The following CECR2 variants were observed in gnomAD, a reference collection of about 807,000 sequenced individuals.
CECR2 encodes the protein CECR2 histone acetyl-lysine reader.
In CECR2, 30 loss-of-function variants were observed where a neutral mutation model predicts 154.5. The ratio of observed to expected loss-of-function variants is 0.19; its 90% CI spans 0.15 to 0.26. The LOEUF (loss-of-function observed/expected upper bound fraction) is 0.26. Among genes scored for constraint, CECR2 ranks in the 10% least tolerant of loss-of-function variants. The probability of loss-of-function intolerance (pLI) is 1.00; values close to 1 mark genes in which losing one functional copy is unlikely to be tolerated. For synonymous variants in CECR2, 725 were observed against 683.7 expected (o/e 1.06, Z -0.94); for missense variants, 1,743 against 1,829.3 (o/e 0.95, Z 0.86).
intron 2 of CECR2, among the ~76,000 whole-genome samples, chr22:17,492,638 G>A (rs925435275): frequency 1.3e-5 from 2 of 152,198 alleles, no homozygotes; most frequent in Non-Finnish European, 2.9e-5. Context: ...TGTTTTGTAG[G>A]ATGGAAAATG....
intron 8 of CECR2, among the ~76,000 whole-genome samples, chr22:17,515,114 A>G (rs1321826290): frequency 6.6e-6 from 1 of 152,028 alleles, no homozygotes; most frequent in Non-Finnish European, 1.5e-5. Flanking sequence ...TAAAATTGTA[A>G]TTGTTGAGAA....
At chr22:17,378,760 G>T (rs2063150876) in intron 1 of CECR2, among the ~76,000 whole-genome samples, 1 of 152,188 alleles carries the variant, frequency 6.6e-6, no homozygotes, top group African/African-American at 2.4e-5. Context: ...TGACTTTTCA[G>T]TGTTGGTCAT....
chr22:17,423,289 T>A (rs1408478429), intron 1 of CECR2, among the ~76,000 whole-genome samples: 1 of 151,860 alleles, frequency 6.6e-6, no homozygotes, highest in Non-Finnish European at 1.5e-5. Flanking sequence ...TGGACTGGAG[T>A]TGGGTGTTCC....
intron 1 of CECR2, among the ~76,000 whole-genome samples, chr22:17,397,559 G>A (rs998646204): frequency 3.5e-4 from 53 of 151,982 alleles, no homozygotes; most frequent in African/African-American, 1.2e-3. Context: ...CTGCAGTGGC[G>A]CTATCTCTGC....
intron 9 of CECR2, among the ~76,000 whole-genome samples, chr22:17,525,698 G>T (rs532009599): frequency 2.7e-4 from 41 of 152,234 alleles, no homozygotes; most frequent in Non-Finnish European, 5.3e-4. Context: ...TTCCATAATT[G>T]GCTATGTCCA....
chr22:17,404,461 CCT>C (rs2053950149), intron 1 of CECR2, among the ~76,000 whole-genome samples: 1 of 128,634 alleles, frequency 7.8e-6, no homozygotes, highest in African/African-American at 3.1e-5. Context: ...GCAAGCTCCG[CCT>C]CTCGGGTTCA....
chr22:17,396,351 C>A (rs1238779268), intron 1 of CECR2, among the ~76,000 whole-genome samples: 2 of 152,074 alleles, frequency 1.3e-5, no homozygotes, highest in Non-Finnish European at 2.9e-5. Context: ...TTGAGACCAG[C>A]CTGGCCAATG....
chr22:17,472,760 G>T (rs900093770), intron 1 of CECR2, among the ~76,000 whole-genome samples: 3 of 152,130 alleles, frequency 2.0e-5, no homozygotes, highest in Non-Finnish European at 4.4e-5. Flanking sequence ...AACAAGAAAA[G>T]GTACCTGTAA....
At chr22:17,547,038 CAA>C (rs1167599171) in intron 16 of CECR2, among the ~76,000 whole-genome samples, 5,073 of 53,508 alleles carry the variant, frequency 0.095, 83 homozygotes, top group African/African-American at 0.15. Flanking sequence ...GACTCTGCCT[CAA>C]AAAAAAAAAA....
intron 7 of CECR2, among the ~76,000 whole-genome samples, chr22:17,505,584 A>T (rs1569128435): frequency 8.0e-6 from 1 of 124,466 alleles, no homozygotes; most frequent in Non-Finnish European, 1.6e-5. Flanking sequence ...CCCAGGCTGC[A>T]GTGCAGCGGT....
chr22:17,364,790 G>A (rs2062993321), upstream of CECR2, among the ~76,000 whole-genome samples: 2 of 152,170 alleles, frequency 1.3e-5, no homozygotes, highest in Admixed American at 6.5e-5. Context: ...TCACACCACT[G>A]CACTCCAGCC....
chr22:17,439,796 G>A (rs2054557379), intron 1 of CECR2, among the ~76,000 whole-genome samples: 1 of 152,188 alleles, frequency 6.6e-6, no homozygotes, highest in African/African-American at 2.4e-5. Context: ...GAATGTCATT[G>A]CAGCGTGGTT....
intron 9 of CECR2, 116 bp downstream of exon 9, chr22:17,524,387 C>CTTTCTT: frequency 2.6e-6 from 1 of 391,192 alleles, no homozygotes. Flanking sequence ...CCGGCAATTT[C>CTTTCTT]TTTTTTTTTT....
intron 7 of CECR2, among the ~76,000 whole-genome samples, chr22:17,505,412 C>T (rs2055822066): frequency 6.6e-6 from 1 of 152,036 alleles, no homozygotes; most frequent in Admixed American, 6.6e-5. Context: ...CCTGGCTCTA[C>T]CTGATTGTGT....
intron 9 of CECR2, among the ~76,000 whole-genome samples, chr22:17,535,876 A>AG (rs2056429997): frequency 6.6e-6 from 1 of 152,234 alleles, no homozygotes; most frequent in South Asian, 2.1e-4. Flanking sequence ...GCAACCCAAC[A>AG]GGGATCGTGT....
At chr22:17,543,494 G>A (rs1476177709) in intron 16 of CECR2, among the ~76,000 whole-genome samples, 1 of 151,380 alleles carries the variant, frequency 6.6e-6, no homozygotes, top group African/African-American at 2.4e-5. Flanking sequence ...TTGGTCCGTC[G>A]ATCCCATTTC....
intron 1 of CECR2, among the ~76,000 whole-genome samples, chr22:17,403,384 C>T (rs372033909): frequency 6.6e-6 from 1 of 152,148 alleles, no homozygotes; most frequent in East Asian, 1.9e-4. Flanking sequence ...AATAGCTGCA[C>T]GTATTTGCTT....
At chr22:17,413,488 C>G (rs2054096876) in intron 1 of CECR2, among the ~76,000 whole-genome samples, 1 of 152,100 alleles carries the variant, frequency 6.6e-6, no homozygotes, top group African/African-American at 2.4e-5. Context: ...TAACATTGTT[C>G]AGACCTGGGG....
chr22:17,383,750 C>T (rs1287647240), intron 1 of CECR2, among the ~76,000 whole-genome samples: 2 of 150,226 alleles, frequency 1.3e-5, no homozygotes, highest in Non-Finnish European at 1.5e-5. Flanking sequence ...CTGCAAACTC[C>T]GCTTCCTGGG....
Sources: allele counts gnomAD v4.1 joint callset (sites outside exome capture counted in the v4.1 genomes callset), GRCh38; gene constraint gnomAD v4.1.1; transcripts MANE v1.5; gene names NCBI Gene and HGNC (gene_info 2026-07-23, HGNC 2026-07-21).